The following USP15 variants were observed in gnomAD, a reference collection of about 807,000 sequenced individuals.
USP15 encodes ubiquitin carboxyl-terminal hydrolase 15.
Under a neutral mutation model 127.1 loss-of-function variants are expected in USP15, and 18 were observed. That is an observed-to-expected ratio of 0.14 (90% CI 0.10 to 0.21). The LOEUF (loss-of-function observed/expected upper bound fraction) is 0.21, where lower values mean the gene tolerates loss of function less well. USP15 is among the 10% of genes least tolerant of loss of function. The probability of loss-of-function intolerance (pLI) is 1.00; values close to 1 mark genes in which losing one functional copy is unlikely to be tolerated. For synonymous variants in USP15, 364 were observed against 393.7 expected (o/e 0.92, Z 0.89); for missense variants, 805 against 1,159.9 (o/e 0.69, Z 4.44).
chr12:62,334,280 T>TA (rs1469893950), intron 6 of USP15: 1 of 152,172 alleles, frequency 6.6e-6, no homozygotes, highest in Non-Finnish European at 1.5e-5. Context: ...TAATAAAGTT[T>TA]AAAAATGGGT....
chr12:62,371,249 CTT>C (rs887852855), intron 8 of USP15, among the ~76,000 whole-genome samples: 1 of 152,168 alleles, frequency 6.6e-6, no homozygotes, highest in African/African-American at 2.4e-5. Context: ...TTTCAAAACT[CTT>C]TGTATATACT....
At chr12:62,324,676 C>T (rs2065079808) in intron 5 of USP15, among the ~76,000 whole-genome samples, 1 of 151,956 alleles carries the variant, frequency 6.6e-6, no homozygotes, top group African/African-American at 2.4e-5. Flanking sequence ...TTATATGGTA[C>T]AAATACACTT....
At chr12:62,274,940 A>G (rs745832747) in intron 1 of USP15, among the ~76,000 whole-genome samples, 5 of 152,176 alleles carry the variant, frequency 3.3e-5, no homozygotes, top group African/African-American at 7.2e-5. Flanking sequence ...ATAGTAATCT[A>G]TGCCACTAAA....
intron 1 of USP15, 89 bp from the exon 2 acceptor site, chr12:62,294,090 T>C (rs768902163): frequency 7.7e-5 from 107 of 1,382,218 alleles, no homozygotes; most frequent in Non-Finnish European, 1.0e-4. Flanking sequence ...TGTCTTTTAA[T>C]ATAAAAGGAA....
intron 9 of USP15, among the ~76,000 whole-genome samples, chr12:62,382,348 G>A (rs1354229128): frequency 6.6e-6 from 1 of 151,954 alleles, no homozygotes; most frequent in African/African-American, 2.4e-5. Context: ...TAAACTTGTA[G>A]AGAGAATAAG....
rs948080924 is a variant in USP15 at position 62,409,204 on chromosome 12, TG to T, written c.*4832del. 2.0e-5 allele frequency: 3 copies of T among 152,286 alleles called. No individual in the cohort carries two copies. Among genetic ancestry groups the T allele is most frequent in the Admixed American group, 6.5e-5 (1 of 15,282 alleles). 9.4% of individuals were successfully genotyped at this position (152,286 alleles called of 1,614,324 possible). The stretch of plus-strand genomic sequence containing the variant: ...TTTAATTATTCCCCAGCTCTACTTT[TG>T]GGAGCCTGGAACTTGTCAGGGTTGT... On this transcript the variant is annotated 3_prime_UTR_variant, in exon 22 of 22. Coordinates refer to ENST00000280377, the MANE Select transcript of USP15 (RefSeq NM_001252078.2).
intron 1 of USP15, among the ~76,000 whole-genome samples, chr12:62,290,935 A>G (rs746001137): frequency 8.5e-5 from 13 of 152,106 alleles, no homozygotes; most frequent in Non-Finnish European, 1.6e-4. Context: ...TATTTTGAAA[A>G]TAGAATCCCA....
At chr12:62,347,900 C>CT (rs1191858643) in intron 6 of USP15, among the ~76,000 whole-genome samples, 4 of 152,058 alleles carry the variant, frequency 2.6e-5, no homozygotes, top group African/African-American at 9.7e-5. Flanking sequence ...ATGTATAAAA[C>CT]TTTAAAAGTT....
chr12:62,362,710 A>G (rs984915773), intron 8 of USP15, among the ~76,000 whole-genome samples: 1 of 152,192 alleles, frequency 6.6e-6, no homozygotes, highest in Admixed American at 6.5e-5. Flanking sequence ...TCTCACTCTC[A>G]TAATCACTAA....
At position 62,389,622 on chromosome 12, in the gene USP15, A is replaced by G; in HGVS notation, c.1575A>G (p.Ile525Met). The G allele has an allele frequency of 1.2e-6, 2 of 1,612,864 alleles. No individual in the cohort carries two copies. The highest frequency in any genetic ancestry group is 1.7e-6 in the Non-Finnish European group (2 of 1,179,250). ...IPADKMIVTD[I>M]YNHRFHRIFA... is the part of the protein sequence containing the mutation. ...CCTTTTAGATGATAGTTACTGATAT[A>G]TACAATCATAGATTTCACAGAATAT... Residue 525 changes from isoleucine (I) to methionine (M), a missense_variant, in exon 13 of 22, where the codon ATA becomes ATG. Physicochemically the swap from Ile to Met is conservative, Grantham distance 10. Coordinates refer to ENST00000280377, the MANE Select transcript of USP15 (RefSeq NM_001252078.2).
Position 62,404,176 on chromosome 12 carries a change from A to T in USP15, c.2764-17A>T. ...CTTTGAGAATCATAACTGTTTTAAC[A>T]TCCTTTGTTTTGACAGTCCAAAGCA... On this transcript the variant is annotated splice_polypyrimidine_tract_variant and intron_variant, in intron 21 of 21. Transcript: ENST00000280377. 1 of 1,581,216 alleles carries T rather than the reference A, an allele frequency of 6.3e-7. No individual in the cohort carries two copies. Among genetic ancestry groups the T allele is most frequent in the South Asian group, 1.2e-5 (1 of 86,314 alleles).
intron 20 of USP15, 118 bp from the exon 21 acceptor site, chr12:62,401,069 C>T (rs2067671970): frequency 1.9e-6 from 1 of 529,112 alleles, no homozygotes; most frequent in Non-Finnish European, 3.2e-6. Context: ...AATAAATAAG[C>T]CTCATAGATG....
chr12:62,330,321 G>T (rs1034511888), intron 6 of USP15, among the ~76,000 whole-genome samples: 4 of 151,828 alleles, frequency 2.6e-5, no homozygotes, highest in African/African-American at 9.7e-5. Context: ...GGGCACAGTG[G>T]CTCATGCCTG....
At chr12:62,403,679 T>C (rs1159667220) in intron 21 of USP15, among the ~76,000 whole-genome samples, 1 of 151,910 alleles carries the variant, frequency 6.6e-6, no homozygotes, top group African/African-American at 2.4e-5. Context: ...GAGGGACTTA[T>C]GATAGGAAAA....
intron 8 of USP15, among the ~76,000 whole-genome samples, chr12:62,358,309 GTTA>G (rs1487865975): frequency 6.6e-6 from 1 of 152,056 alleles, no homozygotes; most frequent in East Asian, 1.9e-4. Context: ...CATTATTACT[GTTA>G]TTATTTAATT....
chr12:62,337,205 A>G (rs906466839), intron 6 of USP15, among the ~76,000 whole-genome samples: 4 of 152,200 alleles, frequency 2.6e-5, no homozygotes, highest in African/African-American at 9.6e-5. Context: ...CTGCAAATAC[A>G]TTGTTTTCCT....
At position 62,266,254 on chromosome 12, in the gene USP15, A is replaced by G. The variant is rs970244810; in HGVS notation, c.89+5751A>G. ...GAAATAACCCATGAAGCATATAGTA[A>G]GATCTTGTAGGCTATTTTGTTTCGG... On this transcript the variant is annotated intron_variant, in intron 1 of 21. Coordinates refer to ENST00000280377, the MANE Select transcript of USP15 (RefSeq NM_001252078.2). Among the ~76,000 whole-genome samples the G allele has an allele frequency of 2.6e-5, 4 of 152,220 alleles. No individual in the cohort carries two copies. The East Asian group carries it at 7.7e-4, about 29-fold the overall frequency.
chr12:62,355,217 T>C (rs1292293490), intron 7 of USP15, 114 bp from the exon 8 acceptor site: 5 of 990,818 alleles, frequency 5.0e-6, no homozygotes, highest in African/African-American at 3.3e-5. Flanking sequence ...TTGAGTACTT[T>C]ATAAAAGAAA....
intron 2 of USP15, among the ~76,000 whole-genome samples, chr12:62,300,884 G>A (rs2064295347): frequency 6.6e-6 from 1 of 152,128 alleles, no homozygotes; most frequent in Non-Finnish European, 1.5e-5. Flanking sequence ...AAATGTAGTT[G>A]TGTCTCATCA....
Sources: gnomAD v4.1 joint callset for allele counts (sites outside exome capture counted in the v4.1 genomes callset) on GRCh38, gnomAD v4.1.1 for gene constraint, MANE v1.5 for transcripts, NCBI Gene and HGNC (gene_info 2026-07-23, HGNC 2026-07-21) for gene names.